The following CDH13 variants were observed in gnomAD, a reference collection of about 807,000 sequenced individuals.
CDH13 encodes the protein cadherin-13.
A neutral mutation model predicts 63.8 loss-of-function variants in CDH13; 24 were observed. The ratio of observed to expected loss-of-function variants is 0.38; its 90% CI spans 0.27 to 0.53. The LOEUF is 0.53. CDH13 is among the 20% of genes least tolerant of loss of function. The pLI is 0.85. For synonymous variants in CDH13, 503 were observed against 355.3 expected, an observed-to-expected ratio of 1.42 and a Z score of -4.67; for missense variants, 1,049 against 903.1, an observed-to-expected ratio of 1.16 and a Z score of -2.07.
chr16:83,050,153 C>T (rs2030139505), intron 3 of CDH13, among the ~76,000 whole-genome samples: 1 of 152,146 alleles, frequency 6.6e-6, no homozygotes, highest in Admixed American at 6.5e-5. Context: ...AAAAACCCTG[C>T]TTATTGACCA....
chr16:82,643,543 G>A (rs1909682337), intron 1 of CDH13, among the ~76,000 whole-genome samples: 1 of 152,186 alleles, frequency 6.6e-6, no homozygotes, highest in Non-Finnish European at 1.5e-5. Flanking sequence ...TTCATTAAAA[G>A]CAACCTGTGT....
At chr16:83,118,038 G>T (rs530736901) in intron 3 of CDH13, among the ~76,000 whole-genome samples, 1 of 152,164 alleles carries the variant, frequency 6.6e-6, no homozygotes, top group South Asian at 2.1e-4. Flanking sequence ...TCCAGCATGC[G>T]TGAGGCTCCC....
intron 10 of CDH13, among the ~76,000 whole-genome samples, chr16:83,713,670 T>G (rs1271330035): frequency 6.6e-6 from 1 of 152,180 alleles, no homozygotes; most frequent in Non-Finnish European, 1.5e-5. Context: ...TGAATTGATG[T>G]ATCTCACATA....
chr16:83,520,162 T>G (rs78619604), intron 7 of CDH13, among the ~76,000 whole-genome samples: 4,559 of 152,188 alleles, frequency 0.03, 211 homozygotes, highest in African/African-American at 0.1. Flanking sequence ...ACATATGACT[T>G]CTAATGACAG....
intron 5 of CDH13, among the ~76,000 whole-genome samples, chr16:83,292,815 G>A (rs1170353352): frequency 1.3e-5 from 2 of 152,076 alleles, no homozygotes; most frequent in Non-Finnish European, 2.9e-5. Flanking sequence ...ATAGTGCTCT[G>A]TTTCTTTTCT....
rs530297832 is a variant in CDH13, at chr16:83,708,299, A to G, written c.1538+29838A>G. On this transcript the variant is annotated intron_variant, in intron 10 of 13. Coordinates refer to ENST00000567109, the MANE Select transcript of CDH13 (RefSeq NM_001257.5). ...CAGTCAACCAGACGTGTGCTTCCACATGTTCTTCAAATGTGTTTTTCATTT... is the reference window on the plus strand; with the variant it reads ...CAGTCAACCAGACGTGTGCTTCCACGTGTTCTTCAAATGTGTTTTTCATTT... Among the ~76,000 whole-genome samples the G allele has an allele frequency of 2.0e-5, 3 of 152,336 alleles. No individual in the cohort carries two copies. The East Asian group carries it at 5.8e-4, about 29-fold the overall frequency.
At chr16:83,242,800 T>G (rs1567533314) in intron 5 of CDH13, among the ~76,000 whole-genome samples, 1 of 152,212 alleles carries the variant, frequency 6.6e-6, no homozygotes, top group East Asian at 1.9e-4. Context: ...TGACTGTCAG[T>G]TGGCAATGTC....
intron 1 of CDH13, among the ~76,000 whole-genome samples, chr16:82,683,142 A>G (rs1043558214): frequency 6.6e-6 from 1 of 152,208 alleles, no homozygotes; most frequent in Non-Finnish European, 1.5e-5. Context: ...CTGCAGGAAA[A>G]TAAGTCGTAG....
chr16:82,668,023 C>A lies in CDH13; in HGVS notation c.45+40886C>A, dbSNP rs560785604. On this transcript the variant is annotated intron_variant, in intron 1 of 13. Transcript: ENST00000567109. Reference sequence around the variant, plus strand: ...TATCGCGACACCATTACCAGGACTGCGCTCTGAATCTTTAGAGATTATCTG... The same window carrying A: ...TATCGCGACACCATTACCAGGACTGAGCTCTGAATCTTTAGAGATTATCTG... 5.9e-5 allele frequency among the ~76,000 whole-genome samples: 9 copies of A among 152,292 alleles called. 1 individual carries two copies. In the East Asian group the frequency reaches 1.7e-3, roughly 29 times the overall value.
rs560154140 is a variant in CDH13 at position 83,534,748 on chromosome 16, C to T, written c.960+48093C>T. On this transcript the variant is annotated intron_variant, in intron 7 of 13. Coordinates refer to ENST00000567109, the MANE Select transcript of CDH13 (RefSeq NM_001257.5). ...CTGATGGACATTTGAGCTGCTTCTA[C>T]TTCCTCACTATTATGAGCAATGCTG... Among the ~76,000 whole-genome samples the T allele has an allele frequency of 5.3e-5, 8 of 152,320 alleles. No homozygotes were observed. The South Asian group carries it at 1.7e-3, about 32-fold the overall frequency.
intron 10 of CDH13, among the ~76,000 whole-genome samples, chr16:83,746,010 T>A (rs1488907659): frequency 1.3e-5 from 2 of 152,358 alleles, no homozygotes; most frequent in Admixed American, 6.5e-5. Flanking sequence ...TGGGCCCACG[T>A]CCTGACTCTA....
intron 7 of CDH13, among the ~76,000 whole-genome samples, chr16:83,576,954 C>G (rs1453677434): frequency 6.6e-5 from 10 of 152,166 alleles, no homozygotes; most frequent in African/African-American, 2.4e-4. Context: ...GTTGTCTTTT[C>G]ACTTTCTTTA....
chr16:83,620,526 C>G (rs1187423235), intron 8 of CDH13, among the ~76,000 whole-genome samples: 1 of 152,086 alleles, frequency 6.6e-6, no homozygotes, highest in Non-Finnish European at 1.5e-5. Flanking sequence ...AGCATGAGAC[C>G]CAACACCTAT....
intron 13 of CDH13, among the ~76,000 whole-genome samples, chr16:83,794,305 C>G (rs1461690377): frequency 6.6e-6 from 1 of 152,220 alleles, no homozygotes; most frequent in African/African-American, 2.4e-5. Flanking sequence ...TAACCCCCAG[C>G]ACTTTGGGAG....
intron 5 of CDH13, among the ~76,000 whole-genome samples, chr16:83,235,690 A>G (rs1198228467): frequency 6.6e-6 from 1 of 151,652 alleles, no homozygotes; most frequent in Non-Finnish European, 1.5e-5. Flanking sequence ...AGATCTAGGT[A>G]ATTTACTGCA....
intron 6 of CDH13, among the ~76,000 whole-genome samples, chr16:83,428,719 T>C (rs2071994570): frequency 6.6e-6 from 1 of 152,248 alleles, no homozygotes; most frequent in South Asian, 2.1e-4. Context: ...GGTTTGCGAT[T>C]CTCTTCTTGC....
chr16:82,707,764 G>T (rs1026519977), intron 1 of CDH13, among the ~76,000 whole-genome samples: 5 of 152,206 alleles, frequency 3.3e-5, no homozygotes. Flanking sequence ...GTGAAGACGT[G>T]TATCTCAGCA....
At chr16:83,632,911 C>G (rs989110822) in intron 8 of CDH13, among the ~76,000 whole-genome samples, 6 of 151,500 alleles carry the variant, frequency 4.0e-5, no homozygotes, top group Admixed American at 3.3e-4. Flanking sequence ...GTTCCCAGAA[C>G]TGAGAGTTTC....
chr16:83,710,943 A>C (rs1380976573), intron 10 of CDH13, among the ~76,000 whole-genome samples: 2 of 152,164 alleles, frequency 1.3e-5, no homozygotes, highest in Non-Finnish European at 2.9e-5. Flanking sequence ...TGGTGGGCTG[A>C]ACTACGATGA....
Sources: gnomAD v4.1 joint callset for allele counts (sites outside exome capture counted in the v4.1 genomes callset) on GRCh38, gnomAD v4.1.1 for gene constraint, MANE v1.5 for transcripts, NCBI Gene and HGNC (gene_info 2026-07-23, HGNC 2026-07-21) for gene names.